RALY: variants seen among roughly 807,000 people sequenced by gnomAD.
RALY encodes the protein RNA-binding protein Raly.
Under a neutral mutation model 30.7 loss-of-function variants are expected in RALY, and 15 were observed. The ratio of observed to expected loss-of-function variants is 0.49; its 90% CI spans 0.33 to 0.75. The LOEUF (loss-of-function observed/expected upper bound fraction) is 0.75, where lower values mean the gene tolerates loss of function less well. Among genes scored for constraint, RALY ranks in the 30% least tolerant of loss-of-function variants. The pLI, the probability that RALY is intolerant of heterozygous loss-of-function variation, is 0.02. For synonymous variants in RALY, 177 were observed against 170.8 expected, an observed-to-expected ratio of 1.04 and a Z score of -0.28; for missense variants, 339 against 414.3, an observed-to-expected ratio of 0.82 and a Z score of 1.58.
At chr20:34,076,078 T>C in intron 6 of RALY, 38 bp downstream of exon 6, 1 of 1,579,644 alleles carries the variant, frequency 6.3e-7, no homozygotes, top group Non-Finnish European at 8.6e-7. Flanking sequence ...AATTTGCATT[T>C]TTATCATTAG....
chr20:34,063,694 A>G (rs866522839), intron 2 of RALY, among the ~76,000 whole-genome samples: 21 of 152,292 alleles, frequency 1.4e-4, no homozygotes, highest in Middle Eastern at 3.4e-3. Flanking sequence ...TCAAACTTCT[A>G]TTTCCAGCTC....
chr20:34,053,383 AT>A (rs60912814), intron 2 of RALY, among the ~76,000 whole-genome samples: 2,463 of 53,870 alleles, frequency 0.046, 5 homozygotes, highest in Non-Finnish European at 0.056. Flanking sequence ...ATGTTCAATA[AT>A]TTTTTTTTTT....
intron 1 of RALY, among the ~76,000 whole-genome samples, chr20:34,006,177 G>A (rs2031149051): frequency 6.6e-6 from 1 of 152,082 alleles, no homozygotes; most frequent in Non-Finnish European, 1.5e-5. Flanking sequence ...AAATCGAATA[G>A]GTTAATGAAA....
chr20:34,075,786 C>T, intron 5 of RALY, 88 bp from the exon 6 acceptor site: 2 of 1,422,678 alleles, frequency 1.4e-6, no homozygotes, highest in Non-Finnish European at 1.9e-6. Flanking sequence ...CAGCCCCTCA[C>T]CAGCCACACA....
At chr20:34,050,820 G>T (rs2033053850) in intron 2 of RALY, among the ~76,000 whole-genome samples, 1 of 152,122 alleles carries the variant, frequency 6.6e-6, no homozygotes, top group Non-Finnish European at 1.5e-5. Context: ...CAGCCAGTAT[G>T]CTATCTCTAT....
intron 1 of RALY, among the ~76,000 whole-genome samples, chr20:34,006,780 G>A (rs2031177879): frequency 6.6e-6 from 1 of 152,212 alleles, no homozygotes; most frequent in South Asian, 2.1e-4. Context: ...GTCTAGGTGT[G>A]TAGTAGGCTA....
chr20:34,006,550 C>T (rs2031165612), intron 1 of RALY, among the ~76,000 whole-genome samples: 2 of 152,190 alleles, frequency 1.3e-5, no homozygotes, highest in Non-Finnish European at 2.9e-5. Flanking sequence ...ATGGTCCCTC[C>T]TACAGTCACA....
chr20:34,037,022 A>G (rs2032521539), intron 2 of RALY, among the ~76,000 whole-genome samples: 1 of 151,880 alleles, frequency 6.6e-6, no homozygotes, highest in Admixed American at 6.6e-5. Flanking sequence ...TTTCTTAAGG[A>G]TTCGTTCATT....
chr20:34,031,786 C>A (rs1243258858), intron 2 of RALY, among the ~76,000 whole-genome samples, 182 bp downstream of exon 2: 2 of 152,184 alleles, frequency 1.3e-5, no homozygotes, highest in Non-Finnish European at 2.9e-5. Context: ...AGACTGCTCT[C>A]CTAGAATTGC....
chr20:34,046,876 A>G (rs1243820984), intron 2 of RALY, among the ~76,000 whole-genome samples: 6 of 139,806 alleles, frequency 4.3e-5, no homozygotes, highest in African/African-American at 1.1e-4. Context: ...CTGGAGTGCA[A>G]TGGTGTGACC....
intron 2 of RALY, among the ~76,000 whole-genome samples, chr20:34,060,725 C>A (rs2033391061): frequency 6.6e-6 from 1 of 152,160 alleles, no homozygotes; most frequent in Non-Finnish European, 1.5e-5. Context: ...TGATGTCAAG[C>A]CATGTATTTA....
intron 4 of RALY, 27 bp downstream of exon 4, chr20:34,073,662 C>A: frequency 6.4e-7 from 1 of 1,557,930 alleles, no homozygotes; most frequent in Non-Finnish European, 8.9e-7. Flanking sequence ...GTCTGTCTGT[C>A]TGGTGGGATG....
chr20:34,033,846 CT>C (rs1018113843), intron 2 of RALY, among the ~76,000 whole-genome samples: 1 of 152,184 alleles, frequency 6.6e-6, no homozygotes, highest in African/African-American at 2.4e-5. Flanking sequence ...GAAATTTTCA[CT>C]GTAAATCTTC....
intron 2 of RALY, among the ~76,000 whole-genome samples, chr20:34,040,392 A>G (rs1056689991): frequency 2.0e-5 from 3 of 152,200 alleles, no homozygotes; most frequent in African/African-American, 4.8e-5. Flanking sequence ...GCACGTGTCA[A>G]TAACACAGCC....
rs1568700835 is a variant in RALY, at chr20:34,077,087, GGTGGCGGTGGCA to G, written c.723_734del (p.Ser244_Gly247del). ...CGGCGGCGGCGGTGGTGGTGGCAGC[GGTGGCGGTGGCA>G]GTGGTGGTGGCGGTGGCGGTGGCAG... On this transcript the variant is annotated inframe_deletion, in exon 8 of 10. Coordinates refer to ENST00000246194, the MANE Select transcript of RALY (RefSeq NM_016732.3). 6 of 1,604,054 alleles carry G rather than the reference GGTGGCGGTGGCA, an allele frequency of 3.7e-6. No homozygotes were observed. The highest frequency in any genetic ancestry group is 2.2e-5 in the East Asian group (1 of 44,660).
chr20:34,054,860 A>C (rs1207124610), intron 2 of RALY, among the ~76,000 whole-genome samples: 1 of 151,918 alleles, frequency 6.6e-6, no homozygotes, highest in Non-Finnish European at 1.5e-5. Context: ...TTCCAGTTGT[A>C]CTTTATTGAT....
rs138390400 is a variant in RALY, at chr20:34,046,174, G to A, written c.-10+14570G>A. ...TGCTCATGCTATTATTTCCACACCT[G>A]AACTGGCAGCCTGCTCTTAACCACA... is the stretch of plus-strand genomic sequence containing the variant. On this transcript the variant is annotated intron_variant, in intron 2 of 9. Coordinates refer to ENST00000246194, the MANE Select transcript of RALY (RefSeq NM_016732.3). Among the ~76,000 whole-genome samples, 1,477 of 152,276 alleles carry A rather than the reference G, an allele frequency of 9.7e-3. 12 individuals are homozygous for A. The highest frequency in any genetic ancestry group is 0.015 in the Non-Finnish European group (1,017 of 68,020).
rs532144338 is a variant in RALY, at chr20:34,032,577, C to A, written c.-10+973C>A. Among the ~76,000 whole-genome samples the A allele has an allele frequency of 5.9e-5, 9 of 152,072 alleles. No homozygotes were observed. The East Asian group carries it at 1.7e-3, about 29-fold the overall frequency. On this transcript the variant is annotated intron_variant, in intron 2 of 9. Transcript: ENST00000246194. ...GTGTTGCCCAGGCTGGTCTCAAACT[C>A]CTGGGCTCGTGTGATTCAAGTGGTC...
chr20:33,997,823 G>A (rs1476561574), intron 1 of RALY, among the ~76,000 whole-genome samples: 2 of 152,162 alleles, frequency 1.3e-5, no homozygotes, highest in Admixed American at 1.3e-4. Context: ...AACAACTGGG[G>A]GTTGGGAGAG....
Sources: allele counts gnomAD v4.1 joint callset (sites outside exome capture counted in the v4.1 genomes callset), GRCh38; gene constraint gnomAD v4.1.1; transcripts MANE v1.5; gene names NCBI Gene and HGNC (gene_info 2026-07-23, HGNC 2026-07-21).